Variants in KCTD15 observed in about 807,000 individuals in gnomAD.
KCTD15 encodes BTB/POZ domain-containing protein KCTD15.
A neutral mutation model predicts 27.2 loss-of-function variants in KCTD15; 11 were observed. The ratio of observed to expected loss-of-function variants is 0.41; its 90% CI spans 0.25 to 0.67. The LOEUF (loss-of-function observed/expected upper bound fraction) is 0.67. Among genes scored for constraint, KCTD15 ranks in the 30% least tolerant of loss-of-function variants. The probability of loss-of-function intolerance (pLI) is 0.35; values close to 1 mark genes in which losing one functional copy is unlikely to be tolerated. For missense variants in KCTD15, 350 were observed against 409.3 expected (o/e 0.86, Z 1.25); for synonymous variants, 163 against 176.0 (o/e 0.93, Z 0.58).
At chr19:33,810,688 CA>C (rs66841311) in intron 5 of KCTD15, among the ~76,000 whole-genome samples, 8 of 131,328 alleles carry the variant, frequency 6.1e-5, no homozygotes. Flanking sequence ...AAAAAAAAAA[CA>C]AAAAAAAACG....
At chr19:33,810,697 A>C (rs570346131) in intron 5 of KCTD15, among the ~76,000 whole-genome samples, 2,456 of 150,016 alleles carry the variant, frequency 0.016, 19 homozygotes, top group African/African-American at 0.027. Context: ...ACAAAAAAAA[A>C]CGAAAAAAAA....
chr19:33,812,534 A>G, intron 6 of KCTD15: 1 of 1,251,424 alleles, frequency 8.0e-7, no homozygotes. Flanking sequence ...TGAGGGCAGC[A>G]GGATGGTGGC....
At chr19:33,803,862 TAAAC>T (rs1555729825) in intron 4 of KCTD15, among the ~76,000 whole-genome samples, 1 of 150,326 alleles carries the variant, frequency 6.7e-6, no homozygotes, top group Non-Finnish European at 1.5e-5. Context: ...AAAAAGGAAA[TAAAC>T]GAGAAGACGA....
intron 4 of KCTD15, among the ~76,000 whole-genome samples, chr19:33,802,688 T>A (rs192702827): frequency 6.2e-4 from 94 of 152,266 alleles, no homozygotes; most frequent in Non-Finnish European, 1.1e-3. Flanking sequence ...CAGAGCCCTG[T>A]CTAGGATGGG....
At chr19:33,794,147 T>C (rs1363808507), upstream of KCTD15, among the ~76,000 whole-genome samples, 1 of 152,220 alleles carries the variant, frequency 6.6e-6, no homozygotes, top group East Asian at 1.9e-4. Context: ...ACCAGTACCA[T>C]GGTGAGATTT....
chr19:33,815,442 A>T lies in KCTD15; in HGVS notation c.*2494A>T, dbSNP rs1330785381. On this transcript the variant is annotated 3_prime_UTR_variant, in exon 7 of 7. Coordinates refer to ENST00000683859, the MANE Select transcript of KCTD15 (RefSeq NM_001129994.2). ...TTACACTTCCTGGAATGAGTATATTATCAGCAATCTTTTGTCAAATGCCAG... is the reference window on the plus strand; with the variant it reads ...TTACACTTCCTGGAATGAGTATATTTTCAGCAATCTTTTGTCAAATGCCAG... 1 of 152,248 alleles carries T rather than the reference A, an allele frequency of 6.6e-6. No individual in the cohort carries two copies. The highest frequency in any genetic ancestry group is 1.5e-5 in the Non-Finnish European group (1 of 68,046). The allele number at this position is 152,248 out of a possible 1,614,324, so 9.4% of individuals were successfully genotyped here.
At chr19:33,800,607 G>A in intron 3 of KCTD15, 87 bp downstream of exon 3, 2 of 1,248,160 alleles carry the variant, frequency 1.6e-6, no homozygotes, top group East Asian at 2.6e-5. Context: ...GTCCTTCCTT[G>A]GGACCATGAC....
chr19:33,812,561 A>T, intron 6 of KCTD15: 1 of 1,265,222 alleles, frequency 7.9e-7, no homozygotes, highest in Non-Finnish European at 9.9e-7. Flanking sequence ...GGGGTCGTCC[A>T]ACTAGGTTTG....
chr19:33,796,608 G>C (rs1037848187), upstream of KCTD15: 1 of 151,712 alleles, frequency 6.6e-6, no homozygotes, highest in African/African-American at 2.4e-5. Flanking sequence ...TGGGGGGCTG[G>C]TTTTCTCTCC....
Position 33,813,238 on chromosome 19 carries a change from C to G in KCTD15, c.*290C>G, listed in dbSNP as rs1975987378. 1.6e-6 allele frequency: 1 copy of G among 635,310 alleles called. No homozygotes were observed. Among genetic ancestry groups the G allele is most frequent in the African/African-American group, 1.8e-5 (1 of 55,746 alleles). The allele number at this position is 635,310 out of a possible 1,614,324, so 39.4% of individuals were successfully genotyped here. On this transcript the variant is annotated 3_prime_UTR_variant, in exon 7 of 7. Coordinates refer to ENST00000683859, the MANE Select transcript of KCTD15 (RefSeq NM_001129994.2). ...GCCTGGCGCAGCATCCTCTGAGGCC[C>G]CGGGGCCTGTTGGGGCGGGGTTGGA...
intron 3 of KCTD15, among the ~76,000 whole-genome samples, chr19:33,800,755 G>A (rs950081747): frequency 3.3e-5 from 5 of 152,136 alleles, no homozygotes; most frequent in Admixed American, 6.5e-5. Context: ...GAGGTGTCTC[G>A]TTACTGAGAC....
chr19:33,801,459 G>C, intron 4 of KCTD15, 117 bp downstream of exon 4: 2 of 905,802 alleles, frequency 2.2e-6, no homozygotes, highest in Non-Finnish European at 3.2e-6. Context: ...GGTCTCCAGG[G>C]TGCACAAGCT....
chr19:33,795,808 C>T (rs887539648), upstream of KCTD15: 1 of 152,028 alleles, frequency 6.6e-6, no homozygotes, highest in Non-Finnish European at 1.5e-5. Flanking sequence ...GCCGCCGTCT[C>T]CATCGCGCCG....
chr19:33,799,259 T>G (rs1975451053), intron 2 of KCTD15, among the ~76,000 whole-genome samples: 1 of 152,188 alleles, frequency 6.6e-6, no homozygotes, highest in Non-Finnish European at 1.5e-5. Flanking sequence ...AGGATTTGAT[T>G]CTGGTTGGAT....
At chr19:33,796,007 A>G (rs1195644082), upstream of KCTD15, 1 of 151,876 alleles carries the variant, frequency 6.6e-6, no homozygotes, top group African/African-American at 2.4e-5. Flanking sequence ...TCCAGCCCCG[A>G]CCGACTGGCA....
chr19:33,812,836 G>GTGGGGGC lies in KCTD15; in HGVS notation c.741_747dup (p.Gly250TrpfsTer67). 1 of 1,528,016 alleles carries GTGGGGGC rather than the reference G, an allele frequency of 6.5e-7. No homozygotes were observed. The highest frequency in any genetic ancestry group is 8.8e-7 in the Non-Finnish European group (1 of 1,135,162). 94.7% of individuals were successfully genotyped at this position (1,528,016 alleles called of 1,614,324 possible). A position where few individuals can be genotyped will look rare whatever the true frequency, so the allele number is the denominator to read the frequency against. On this transcript the variant is annotated frameshift_variant, in exon 7 of 7. Coordinates refer to ENST00000683859, the MANE Select transcript of KCTD15 (RefSeq NM_001129994.2). LOFTEE classifies it high-confidence loss of function. ...AGGGGTTTCAGCGTGGCTGCGTCCT[G>GTGGGGGC]TGGGGGCGGTGTGGACTCCTCCCAG... is the stretch of plus-strand genomic sequence containing the variant.
intron 6 of KCTD15, 84 bp from the exon 7 acceptor site, chr19:33,812,706 C>T: frequency 7.2e-7 from 1 of 1,397,242 alleles, no homozygotes; most frequent in Non-Finnish European, 9.3e-7. Context: ...CTGGCTGCCC[C>T]AGCAGGCACC....
intron 6 of KCTD15, 175 bp downstream of exon 6, chr19:33,811,727 T>C: frequency 3.2e-6 from 5 of 1,565,414 alleles, no homozygotes; most frequent in Non-Finnish European, 3.5e-6. Flanking sequence ...CATAATTAAA[T>C]GATGGCGCCT....
intron 5 of KCTD15, among the ~76,000 whole-genome samples, chr19:33,808,366 T>C (rs1191840114): frequency 1.3e-5 from 2 of 152,114 alleles, no homozygotes; most frequent in African/African-American, 4.8e-5. Flanking sequence ...GATACTGAAC[T>C]TGAAGTCCAT....
Sources: allele counts gnomAD v4.1 joint callset (sites outside exome capture counted in the v4.1 genomes callset), GRCh38; gene constraint gnomAD v4.1.1; transcripts MANE v1.5; gene names NCBI Gene and HGNC (gene_info 2026-07-23, HGNC 2026-07-21).